The following ZFAND3 variants were observed in gnomAD, a reference collection of about 807,000 sequenced individuals.
ZFAND3 encodes zinc finger AN1-type containing 3.
A neutral mutation model predicts 29.6 loss-of-function variants in ZFAND3; 10 were observed. The observed-to-expected ratio is 0.34, with a 90% CI of 0.21 to 0.57. The LOEUF (loss-of-function observed/expected upper bound fraction) is 0.57, where lower values mean the gene tolerates loss of function less well. Among genes scored for constraint, ZFAND3 ranks in the 20% least tolerant of loss-of-function variants. The pLI, the probability that ZFAND3 is intolerant of heterozygous loss-of-function variation, is 0.86. For missense variants in ZFAND3, 230 were observed against 304.5 expected (o/e 0.76, Z 1.82); for synonymous variants, 128 against 112.6 (o/e 1.14, Z -0.87).
At chr6:37,990,662 G>A (rs907878188) in intron 2 of ZFAND3, among the ~76,000 whole-genome samples, 1 of 152,124 alleles carries the variant, frequency 6.6e-6, no homozygotes, top group Non-Finnish European at 1.5e-5. Context: ...AATATAATCA[G>A]TATAAAAGTA....
At chr6:37,872,152 A>G (rs908156335) in intron 1 of ZFAND3, among the ~76,000 whole-genome samples, 2 of 152,194 alleles carry the variant, frequency 1.3e-5, no homozygotes, top group Non-Finnish European at 2.9e-5. Flanking sequence ...AGTAGTTTCT[A>G]TCTGGATTCT....
chr6:37,838,683 A>G (rs1046770823), intron 1 of ZFAND3, among the ~76,000 whole-genome samples: 28 of 152,286 alleles, frequency 1.8e-4, no homozygotes, highest in African/African-American at 6.3e-4. Context: ...ATAATACTCC[A>G]TGTGGATATA....
intron 4 of ZFAND3, among the ~76,000 whole-genome samples, chr6:38,109,547 T>A (rs1765275298): frequency 6.6e-6 from 1 of 151,982 alleles, no homozygotes; most frequent in Non-Finnish European, 1.5e-5. Context: ...CCCATTAGCT[T>A]CTCCTGCTTG....
At chr6:37,964,627 A>C (rs1423554972) in intron 2 of ZFAND3, among the ~76,000 whole-genome samples, 3 of 152,196 alleles carry the variant, frequency 2.0e-5, no homozygotes, top group Non-Finnish European at 4.4e-5. Flanking sequence ...ACTTGAGCCT[A>C]GTTAAGTAGA....
At chr6:37,899,147 C>T (rs958046573) in intron 1 of ZFAND3, among the ~76,000 whole-genome samples, 7 of 152,170 alleles carry the variant, frequency 4.6e-5, no homozygotes, top group African/African-American at 1.4e-4. Context: ...GATCCACCCG[C>T]CTCGGCCTCC....
intron 1 of ZFAND3, among the ~76,000 whole-genome samples, chr6:37,866,251 A>G (rs1462888197): frequency 6.6e-6 from 1 of 152,094 alleles, no homozygotes; most frequent in Non-Finnish European, 1.5e-5. Flanking sequence ...TTAGAATGGG[A>G]TTAGGTGAGA....
At chr6:38,117,262 T>A (rs1276498555) in intron 5 of ZFAND3, among the ~76,000 whole-genome samples, 1 of 138,704 alleles carries the variant, frequency 7.2e-6, no homozygotes. Flanking sequence ...TAGCCTTTTT[T>A]TTTTTTTTTT....
At chr6:38,018,386 T>G (rs375346923) in intron 2 of ZFAND3, among the ~76,000 whole-genome samples, 1 of 152,226 alleles carries the variant, frequency 6.6e-6, no homozygotes, top group South Asian at 2.1e-4. Context: ...TTACATTCTA[T>G]TTTCAAAACA....
chr6:37,947,217 C>A (rs759682071), intron 2 of ZFAND3, among the ~76,000 whole-genome samples: 2 of 152,070 alleles, frequency 1.3e-5, no homozygotes, highest in Non-Finnish European at 2.9e-5. Flanking sequence ...TCATCTTGTT[C>A]TGTGACAGTA....
intron 2 of ZFAND3, among the ~76,000 whole-genome samples, chr6:38,050,521 A>G (rs1008638884): frequency 3.9e-5 from 6 of 152,092 alleles, no homozygotes; most frequent in Admixed American, 3.9e-4. Context: ...GTGAGTTCCC[A>G]TGAGATCTGA....
At chr6:38,083,637 T>C (rs932612513) in intron 4 of ZFAND3, among the ~76,000 whole-genome samples, 3 of 151,996 alleles carry the variant, frequency 2.0e-5, no homozygotes, top group African/African-American at 7.2e-5. Context: ...TTTAGTCTTT[T>C]GTTTTTCCTT....
chr6:37,836,681 T>G (rs1763974207), intron 1 of ZFAND3, among the ~76,000 whole-genome samples: 1 of 152,186 alleles, frequency 6.6e-6, no homozygotes, highest in Non-Finnish European at 1.5e-5. Context: ...GAAATGAACA[T>G]CTTTCATTAA....
intron 2 of ZFAND3, among the ~76,000 whole-genome samples, chr6:38,016,863 A>G (rs1422994346): frequency 1.3e-5 from 2 of 152,196 alleles, no homozygotes; most frequent in Admixed American, 6.5e-5. Context: ...TAGAAATATT[A>G]TTAAATATAT....
chr6:37,861,800 T>G (rs1178665519), intron 1 of ZFAND3, among the ~76,000 whole-genome samples: 1 of 152,250 alleles, frequency 6.6e-6, no homozygotes, highest in Non-Finnish European at 1.5e-5. Flanking sequence ...GAAATACTTC[T>G]TTTTAAGCAT....
At chr6:38,130,291 G>C (rs1231154205) in intron 5 of ZFAND3, among the ~76,000 whole-genome samples, 1 of 152,046 alleles carries the variant, frequency 6.6e-6, no homozygotes, top group East Asian at 1.9e-4. Context: ...TAATGATTTG[G>C]ATGCCCTTTA....
At chr6:37,890,741 C>T (rs1765080554) in intron 1 of ZFAND3, among the ~76,000 whole-genome samples, 1 of 152,180 alleles carries the variant, frequency 6.6e-6, no homozygotes, top group African/African-American at 2.4e-5. Context: ...AAGATAAGCA[C>T]ACAGTTCTGG....
chr6:38,145,590 A>G (rs1252531331), intron 5 of ZFAND3, among the ~76,000 whole-genome samples: 2 of 152,218 alleles, frequency 1.3e-5, no homozygotes, highest in Non-Finnish European at 1.5e-5. Flanking sequence ...TTTAAAAGCT[A>G]TAGGGTCATG....
rs1031150571 is a variant in ZFAND3, at chr6:37,949,161, G to A, written c.112+19162G>A. Among the ~76,000 whole-genome samples, 5 of 152,236 alleles carry A rather than the reference G, an allele frequency of 3.3e-5. No homozygotes were observed. The East Asian group carries it at 5.8e-4, about 18-fold the overall frequency. ...ACTTTTTAATAATGTTCTGACTGGTGTGAGATGATATCTCATTGTTGCTTT... is the reference window on the plus strand; with the variant it reads ...ACTTTTTAATAATGTTCTGACTGGTATGAGATGATATCTCATTGTTGCTTT... On this transcript the variant is annotated intron_variant, in intron 2 of 5. Coordinates refer to ENST00000287218, the MANE Select transcript of ZFAND3 (RefSeq NM_021943.3).
chr6:37,870,037 T>A (rs1764663971), intron 1 of ZFAND3, among the ~76,000 whole-genome samples: 1 of 152,138 alleles, frequency 6.6e-6, no homozygotes, highest in Non-Finnish European at 1.5e-5. Flanking sequence ...CTCTCAGTAC[T>A]GCTTTAGTTG....
Sources: allele counts gnomAD v4.1 joint callset (sites outside exome capture counted in the v4.1 genomes callset), GRCh38; gene constraint gnomAD v4.1.1; transcripts MANE v1.5; gene names NCBI Gene and HGNC (gene_info 2026-07-23, HGNC 2026-07-21).